The following ST3GAL2 variants were observed in gnomAD, a reference collection of about 807,000 sequenced individuals.
ST3GAL2 encodes the protein CMP-N-acetylneuraminate-beta-galactosamide-alpha-2,3-sialyltransferase 2.
Under a neutral mutation model 37.5 loss-of-function variants are expected in ST3GAL2, and 16 were observed. The ratio of observed to expected loss-of-function variants is 0.43; its 90% CI spans 0.29 to 0.65. ST3GAL2 has a LOEUF of 0.65. Among genes scored for constraint, ST3GAL2 ranks in the 30% least tolerant of loss-of-function variants. ST3GAL2 has a pLI of 0.17. For synonymous variants in ST3GAL2, 238 were observed against 202.9 expected (o/e 1.17, Z -1.47); for missense variants, 383 against 487.8 (o/e 0.79, Z 2.02).
intron 1 of ST3GAL2, among the ~76,000 whole-genome samples, chr16:70,431,675 A>AAT (rs1191715307): frequency 6.6e-6 from 1 of 151,806 alleles, no homozygotes; most frequent in African/African-American, 2.4e-5. Context: ...AAAAAAAAAA[A>AAT]AAAATTGGCC....
Position 70,381,800 on chromosome 16 carries a change from G to C in ST3GAL2, c.942C>G (p.Asn314Lys). ...TCTTCCGGAACTCGCCCGCGTACCG[G>C]TTGTTCTCCCAGTAGTGGTGCCAGT... ...RGNWHHYWEN[N>K]RYAGEFRKTG... Residue 314 changes from asparagine to lysine, a missense_variant, in exon 7 of 7, where the codon AAC (asparagine) becomes AAG (lysine). Physicochemically the swap from Asn to Lys is moderately conservative, Grantham distance 94. Coordinates refer to ENST00000342907, the MANE Select transcript of ST3GAL2 (RefSeq NM_006927.4). 6.2e-7 allele frequency: 1 copy of C among 1,614,108 alleles called. No individual in the cohort carries two copies. Among genetic ancestry groups the C allele is most frequent in the Non-Finnish European group, 8.5e-7 (1 of 1,179,966 alleles).
intron 1 of ST3GAL2, among the ~76,000 whole-genome samples, chr16:70,418,833 T>C (rs1326531774): frequency 6.6e-6 from 1 of 152,124 alleles, no homozygotes; most frequent in Non-Finnish European, 1.5e-5. Flanking sequence ...CCAGGTAATC[T>C]TCAACCCTCT....
chr16:70,425,393 C>G (rs2047742872), intron 1 of ST3GAL2, among the ~76,000 whole-genome samples: 1 of 151,940 alleles, frequency 6.6e-6, no homozygotes, highest in Non-Finnish European at 1.5e-5. Flanking sequence ...ACCCAGGAGG[C>G]AGAGGTTGCA....
Position 70,382,905 on chromosome 16 carries a change from G to C in ST3GAL2, c.779C>G (p.Ala260Gly), listed in dbSNP as rs759047579. 1.3e-5 allele frequency: 21 copies of C among 1,613,672 alleles called. No individual in the cohort carries two copies. Among genetic ancestry groups the C allele is most frequent in the Non-Finnish European group, 1.8e-5 (21 of 1,179,856 alleles). The stretch of plus-strand genomic sequence containing the variant: ...CCTGTCGTGGATATACTTGAAGAAG[G>C]CTGGGTTGTAGATCTGGACCTGGGA... ...DKEKVQIYNP[A>G]FFKYIHDRWT... Residue 260 changes from alanine (A) to glycine (G), a missense_variant, in exon 6 of 7, where the codon GCC becomes GGC. By Grantham distance (60) the Ala-to-Gly change is moderately conservative. Transcript: ENST00000342907.
chr16:70,393,326 C>T (rs2047494192), intron 3 of ST3GAL2, among the ~76,000 whole-genome samples: 1 of 152,164 alleles, frequency 6.6e-6, no homozygotes, highest in South Asian at 2.1e-4. Flanking sequence ...AATCTGCCTG[C>T]CTCAGCCTCC....
At position 70,381,316 on chromosome 16, in the gene ST3GAL2, G is replaced by C. The variant is rs967858086; in HGVS notation, c.*373C>G. The C allele has an allele frequency of 5.1e-6, 1 of 195,084 alleles. No individual in the cohort carries two copies. Among genetic ancestry groups the C allele is most frequent in the Admixed American group, 5.7e-5 (1 of 17,642 alleles). 12.1% of individuals were successfully genotyped at this position (195,084 alleles called of 1,614,324 possible). A position where few individuals can be genotyped will look rare whatever the true frequency, so the allele number is the denominator to read the frequency against. ...AGACGATCCTCCGCCCGAGGCTGACGGAAGTGCTTCGCCGAGGCCCGCGCC... is the reference window on the plus strand; with the variant it reads ...AGACGATCCTCCGCCCGAGGCTGACCGAAGTGCTTCGCCGAGGCCCGCGCC... On this transcript the variant is annotated 3_prime_UTR_variant, in exon 7 of 7. Transcript: ENST00000342907.
At position 70,398,531 on chromosome 16, in the gene ST3GAL2, G is replaced by A; in HGVS notation, c.-1C>T. ...ACCACACCCGCAGGGAGCACTTCATGGTGCCGGCAGGCGGGTGACGGTCAC... is the reference window on the plus strand; with the variant it reads ...ACCACACCCGCAGGGAGCACTTCATAGTGCCGGCAGGCGGGTGACGGTCAC... On this transcript the variant is annotated 5_prime_UTR_variant, in exon 2 of 7. Transcript: ENST00000342907. The A allele has an allele frequency of 6.3e-7, 1 of 1,591,106 alleles. No individual in the cohort carries two copies.
intron 1 of ST3GAL2, among the ~76,000 whole-genome samples, chr16:70,429,400 TGGCTAACACGGTGA>T (rs1304756900): frequency 6.6e-6 from 1 of 152,034 alleles, no homozygotes. Flanking sequence ...GAGACCATCC[TGGCTAACACGGTGA>T]AACACCGTCT....
Position 70,394,922 on chromosome 16 carries a change from G to A in ST3GAL2, c.533+60C>T. ...GCACCCTGCCAGACAAGGCAGAGGA[G>A]GGCAGTCCCCTTCCCGGAGGCCCAT... On this transcript the variant is annotated intron_variant, in intron 3 of 6. Transcript: ENST00000342907. The A allele has an allele frequency of 1.9e-6, 3 of 1,570,388 alleles. No individual in the cohort carries two copies. The Admixed American group carries it at 5.7e-5, about 30-fold the overall frequency.
intron 1 of ST3GAL2, among the ~76,000 whole-genome samples, chr16:70,418,169 T>C (rs1438687385): frequency 6.6e-6 from 1 of 152,186 alleles, no homozygotes; most frequent in Non-Finnish European, 1.5e-5. Flanking sequence ...CACCAGGCAG[T>C]GGCAGCCAGA....
At chr16:70,420,506 CA>C (rs1293119306) in intron 1 of ST3GAL2, among the ~76,000 whole-genome samples, 1 of 152,120 alleles carries the variant, frequency 6.6e-6, no homozygotes, top group African/African-American at 2.4e-5. Context: ...ATGGGTCCTA[CA>C]AGACAACCTA....
At chr16:70,438,842 G>A (rs1283290163) in intron 1 of ST3GAL2, 107 bp downstream of exon 1, 1 of 152,106 alleles carries the variant, frequency 6.6e-6, no homozygotes, top group African/African-American at 2.4e-5. Context: ...GCTGGAACGG[G>A]CCGGTCTGGG....
chr16:70,403,489 C>T (rs1384030361), intron 1 of ST3GAL2, among the ~76,000 whole-genome samples: 1 of 152,076 alleles, frequency 6.6e-6, no homozygotes, highest in Non-Finnish European at 1.5e-5. Flanking sequence ...TGAGACCAGC[C>T]TGGGCAACAC....
intron 1 of ST3GAL2, among the ~76,000 whole-genome samples, chr16:70,418,851 C>A (rs894092512): frequency 1.3e-5 from 2 of 152,184 alleles, no homozygotes; most frequent in African/African-American, 4.8e-5. Context: ...TCTCCTCCCC[C>A]ACCCACGCAC....
chr16:70,409,933 G>GT (rs202011563), intron 1 of ST3GAL2, among the ~76,000 whole-genome samples: 23 of 146,614 alleles, frequency 1.6e-4, no homozygotes, highest in East Asian at 6.1e-4. Flanking sequence ...TACTTTTGTT[G>GT]TTTTTTTTGT....
intron 4 of ST3GAL2, among the ~76,000 whole-genome samples, chr16:70,385,259 G>A (rs928973341): frequency 3.9e-5 from 6 of 152,152 alleles, no homozygotes; most frequent in Non-Finnish European, 8.8e-5. Context: ...AGGCGCCATT[G>A]CACTCCAGCC....
chr16:70,417,016 A>G (rs2047681111), intron 1 of ST3GAL2, among the ~76,000 whole-genome samples: 2 of 152,226 alleles, frequency 1.3e-5, no homozygotes, highest in Admixed American at 6.5e-5. Context: ...AGATGAACAA[A>G]GTGCGTAGAA....
At chr16:70,402,726 T>C (rs950541268) in intron 1 of ST3GAL2, among the ~76,000 whole-genome samples, 1 of 152,198 alleles carries the variant, frequency 6.6e-6, no homozygotes, top group African/African-American at 2.4e-5. Context: ...CTTGGCTCAC[T>C]GCAGCCTCCG....
intron 5 of ST3GAL2, 37 bp from the exon 6 acceptor site, chr16:70,382,961 T>C (rs922353742): frequency 1.2e-6 from 2 of 1,606,802 alleles, no homozygotes; most frequent in Non-Finnish European, 1.7e-6. Flanking sequence ...ATGAGGGGTT[T>C]AGGGGCAGAG....
Sources: allele counts gnomAD v4.1 joint callset (sites outside exome capture counted in the v4.1 genomes callset), GRCh38; gene constraint gnomAD v4.1.1; transcripts MANE v1.5; gene names NCBI Gene and HGNC (gene_info 2026-07-23, HGNC 2026-07-21).